USP16: variants seen among roughly 807,000 people sequenced by gnomAD.
USP16 encodes ubiquitin carboxyl-terminal hydrolase 16.
A neutral mutation model predicts 95.9 loss-of-function variants in USP16; 77 were observed. The observed-to-expected ratio is 0.80, with a 90% CI of 0.67 to 0.97. The LOEUF is 0.97. USP16 is among the 50% of genes least tolerant of loss of function. The pLI, the probability that USP16 is intolerant of heterozygous loss-of-function variation, is 0.00. For missense variants in USP16, 943 were observed against 959.9 expected (o/e 0.98, Z 0.23); for synonymous variants, 303 against 318.2 (o/e 0.95, Z 0.51).
In USP16 at chr21:29,041,137, A is replaced by G. The variant is rs546012971; in HGVS notation, c.1030+450A>G. Among the ~76,000 whole-genome samples, 5 of 152,296 alleles carry G rather than the reference A, an allele frequency of 3.3e-5. No homozygotes were observed. The South Asian group carries it at 6.2e-4, about 19-fold the overall frequency. Reference sequence around the variant, plus strand: ...CAACTAGGCACGTGTGGCGCCTGAAATGTGACTGGTGAAACTGAGGAACTA... The same window carrying G: ...CAACTAGGCACGTGTGGCGCCTGAAGTGTGACTGGTGAAACTGAGGAACTA... On this transcript the variant is annotated intron_variant, in intron 10 of 17. Coordinates refer to ENST00000399976, the MANE Select transcript of USP16 (RefSeq NM_006447.3).
chr21:29,037,573 A>AC, intron 6 of USP16, 110 bp downstream of exon 6: 6 of 806,934 alleles, frequency 7.4e-6, no homozygotes, highest in Non-Finnish European at 1.1e-5. Context: ...ATGTATCCAA[A>AC]GAAAACTTTT....
At chr21:29,043,286 C>A in intron 12 of USP16, 137 bp from the exon 13 acceptor site, 4 of 589,344 alleles carry the variant, frequency 6.8e-6, no homozygotes, top group Non-Finnish European at 1.0e-5. Flanking sequence ...AATTTTGTCT[C>A]ATCTATTTTC....
At chr21:29,038,908 T>A (rs1435256721) in intron 7 of USP16, 118 bp from the exon 8 acceptor site, 8 of 1,076,968 alleles carry the variant, frequency 7.4e-6, no homozygotes, top group Non-Finnish European at 9.9e-6. Flanking sequence ...CATTTTAAAC[T>A]TTTAAATGGG....
chr21:29,029,210 G>A (rs960785426), intron 2 of USP16, among the ~76,000 whole-genome samples: 4 of 152,316 alleles, frequency 2.6e-5, no homozygotes, highest in South Asian at 2.1e-4. Flanking sequence ...TCAGGAGATC[G>A]AGACCATCCT....
rs61735762 is a variant in USP16 at position 29,046,795 on chromosome 21, C to G, written c.1485C>G (p.Ser495=). The part of the protein sequence containing the change: ...MSLQGEVNIK[S]NHISQEGVMH... Reference sequence around the variant, plus strand: ...TTCAAGGAGAAGTAAATATTAAATCCAACCATATTTCACAAGAGGGTGTTA... The same window carrying G: ...TTCAAGGAGAAGTAAATATTAAATCGAACCATATTTCACAAGAGGGTGTTA... Residue 495 remains serine, a synonymous_variant, in exon 14 of 18, where the codon TCC becomes TCG. Coordinates refer to ENST00000399976, the MANE Select transcript of USP16 (RefSeq NM_006447.3). The G allele has an allele frequency of 7.0e-4, 1,127 of 1,613,934 alleles. 9 individuals are homozygous for G. The African/African-American group carries it at 0.013, about 18-fold the overall frequency.
In USP16 at chr21:29,030,607, G is replaced by A. The variant is rs752027576; in HGVS notation, c.74G>A (p.Arg25Lys). The change falls in exon 3 of 18, where the codon AGA becomes AAA. Residue 25 changes from arginine (R) to lysine (K), a missense_variant. By Grantham distance (26) the Arg-to-Lys change is conservative. Transcript: ENST00000399976. ...DSSETLEPVC[R>K]HIRKGLEQGN... ...TTTGTTTTAATAGAACCTGTGTGCA[G>A]ACACATTAGAAAAGGATTGGAACAA... The A allele has an allele frequency of 1.2e-6, 2 of 1,603,680 alleles. No homozygotes were observed. The highest frequency in any genetic ancestry group is 3.5e-5 in the Admixed American group (2 of 57,480).
At chr21:29,042,125 C>T (rs780485294) in intron 11 of USP16, 21 bp downstream of exon 11, 1 of 1,586,608 alleles carries the variant, frequency 6.3e-7, no homozygotes, top group East Asian at 2.2e-5. Flanking sequence ...GTCATGTATA[C>T]TGGGTTTATT....
Position 29,042,489 on chromosome 21 carries a change from A to T in USP16, c.1140A>T (p.Glu380Asp), listed in dbSNP as rs1185599990. 1.2e-6 allele frequency: 2 copies of T among 1,604,462 alleles called. No individual in the cohort carries two copies. The highest frequency in any genetic ancestry group is 3.5e-5 in the Admixed American group (2 of 57,482). ...DQCRTVSLVH[E>D]SFLDLSLPVL... ...TGGTTAAGGTCTCCTTGGTTCATGA[A>T]TCTTTCCTTGATTTGTCCCTCCCAG... Residue 380 changes from glutamate (E) to aspartate (D), a missense_variant, in exon 12 of 18, where the codon GAA (glutamate) becomes GAT (aspartate). Coordinates refer to ENST00000399976, the MANE Select transcript of USP16 (RefSeq NM_006447.3).
chr21:29,041,564 A>G (rs771826207), intron 10 of USP16, among the ~76,000 whole-genome samples: 7 of 152,172 alleles, frequency 4.6e-5, no homozygotes, highest in Non-Finnish European at 1.0e-4. Context: ...AGTTCACAAA[A>G]CAAGTTACAT....
intron 15 of USP16, among the ~76,000 whole-genome samples, chr21:29,049,834 T>C (rs1174917636): frequency 6.6e-6 from 1 of 152,232 alleles, no homozygotes; most frequent in East Asian, 1.9e-4. Context: ...GTGCTGAGAT[T>C]ACAGGCATGT....
chr21:29,051,187 T>C (rs1030113214), intron 16 of USP16, among the ~76,000 whole-genome samples: 2 of 151,986 alleles, frequency 1.3e-5, no homozygotes, highest in African/African-American at 4.8e-5. Context: ...ATAGGATATA[T>C]AGGGAGAAAA....
chr21:29,028,906 C>T (rs988263686), intron 2 of USP16, among the ~76,000 whole-genome samples: 2 of 152,154 alleles, frequency 1.3e-5, no homozygotes, highest in Non-Finnish European at 2.9e-5. Context: ...CTCTGTACAT[C>T]CAAATATTTT....
intron 16 of USP16, chr21:29,052,550 A>G (rs1353612860): frequency 2.0e-5 from 3 of 152,142 alleles, no homozygotes; most frequent in Non-Finnish European, 2.9e-5. Context: ...CCCAACGGGT[A>G]CCCTCCCATG....
rs1228208638 is a variant in USP16 at position 29,039,024 on chromosome 21, A to G, written c.733-2A>G. 10 of 1,516,654 alleles carry G rather than the reference A, an allele frequency of 6.6e-6. No homozygotes were observed. The highest frequency in any genetic ancestry group is 8.8e-6 in the Non-Finnish European group (10 of 1,134,578). 93.9% of individuals were successfully genotyped at this position (1,516,654 alleles called of 1,614,324 possible). A position where few individuals can be genotyped will look rare whatever the true frequency, so the allele number is the denominator to read the frequency against. On this transcript the variant is annotated splice_acceptor_variant, in intron 7 of 17. Coordinates refer to ENST00000399976, the MANE Select transcript of USP16 (RefSeq NM_006447.3). LOFTEE classifies it high-confidence loss of function. ...GAAAGTAATTTCTTTTCCCATATTC[A>G]GGAACCATTAGAAATAAACCTTGAG...
At chr21:29,039,197 G>A in intron 8 of USP16, 41 bp downstream of exon 8, 2 of 1,402,810 alleles carry the variant, frequency 1.4e-6, no homozygotes, top group South Asian at 4.1e-5. Flanking sequence ...GCCTCAGTGA[G>A]ATGCTGAGAA....
In USP16 at chr21:29,042,547, T is replaced by C. The variant is rs1171629396; in HGVS notation, c.1179+19T>C. ...TGATCAGGTAAGACTATTGAATTTA[T>C]TTTATTCAAGTAGATTTTTTTTCCT... On this transcript the variant is annotated intron_variant, in intron 12 of 17. Coordinates refer to ENST00000399976, the MANE Select transcript of USP16 (RefSeq NM_006447.3). 15 of 1,579,504 alleles carry C rather than the reference T, an allele frequency of 9.5e-6. No homozygotes were observed. The highest frequency in any genetic ancestry group is 1.3e-5 in the Non-Finnish European group (15 of 1,166,286).
At chr21:29,028,093 T>A in intron 2 of USP16, 119 bp downstream of exon 2, 1 of 767,198 alleles carries the variant, frequency 1.3e-6, no homozygotes, top group Non-Finnish European at 2.1e-6. Context: ...ATATAATGTT[T>A]GTATCTATAT....
At chr21:29,051,568 C>T (rs149615502) in intron 16 of USP16, among the ~76,000 whole-genome samples, 4 of 152,304 alleles carry the variant, frequency 2.6e-5, no homozygotes, top group Non-Finnish European at 5.9e-5. Context: ...TGGTGGCTTA[C>T]GCCTGTAATG....
intron 4 of USP16, among the ~76,000 whole-genome samples, chr21:29,035,927 C>A (rs1485955153): frequency 6.6e-6 from 1 of 151,768 alleles, no homozygotes; most frequent in Non-Finnish European, 1.5e-5. Flanking sequence ...CAAAAAAAAC[C>A]AAAAAACAAA....
Sources: gnomAD v4.1 joint callset for allele counts (sites outside exome capture counted in the v4.1 genomes callset) on GRCh38, gnomAD v4.1.1 for gene constraint, MANE v1.5 for transcripts, NCBI Gene and HGNC (gene_info 2026-07-23, HGNC 2026-07-21) for gene names.